Variants in OLFM3 observed in about 807,000 individuals in gnomAD.
The protein encoded by OLFM3 is noelin-3.
A neutral mutation model predicts 48.6 loss-of-function variants in OLFM3; 20 were observed. That is an observed-to-expected ratio of 0.41 (90% confidence interval 0.29 to 0.60). The LOEUF (loss-of-function observed/expected upper bound fraction) is 0.60, where lower values mean the gene tolerates loss of function less well. Among genes scored for constraint, OLFM3 ranks in the 20% least tolerant of loss-of-function variants. The probability of loss-of-function intolerance (pLI) is 0.28; values close to 1 mark genes in which losing one functional copy is unlikely to be tolerated. For missense variants in OLFM3, 437 were observed against 544.3 expected, an observed-to-expected ratio of 0.80 and a Z score of 1.96; for synonymous variants, 222 against 198.1, an observed-to-expected ratio of 1.12 and a Z score of -1.01.
chr1:101,932,016 A>G (rs908347696), intron 1 of OLFM3, among the ~76,000 whole-genome samples: 1 of 152,224 alleles, frequency 6.6e-6, no homozygotes, highest in Admixed American at 6.5e-5. Flanking sequence ...AAGTTGGAGA[A>G]TCTCATGGCA....
intron 1 of OLFM3, among the ~76,000 whole-genome samples, chr1:101,970,567 T>C (rs763320323): frequency 6.6e-6 from 1 of 152,224 alleles, no homozygotes; most frequent in African/African-American, 2.4e-5. Flanking sequence ...TGGTACCTAC[T>C]TCCTGTCAGG....
intron 4 of OLFM3, among the ~76,000 whole-genome samples, chr1:101,820,624 AGTAGAAATAAGCAAAATG>A (rs1375765618): frequency 1.3e-5 from 2 of 152,060 alleles, no homozygotes; most frequent in African/African-American, 4.8e-5. Flanking sequence ...TTAATTTTCT[AGTAGAAATAAGCAAAATG>A]GTGCCCATGG....
intron 1 of OLFM3, among the ~76,000 whole-genome samples, chr1:101,971,230 G>A (rs1270441625): frequency 6.6e-6 from 1 of 152,214 alleles, no homozygotes; most frequent in Non-Finnish European, 1.5e-5. Context: ...AGTAATGAAA[G>A]AATTGGAGTA....
At chr1:101,807,770 T>C (rs557380071) in intron 4 of OLFM3, among the ~76,000 whole-genome samples, 1 of 151,890 alleles carries the variant, frequency 6.6e-6, no homozygotes, top group Non-Finnish European at 1.5e-5. Context: ...ATAGTGTGGG[T>C]TACTTTATGA....
At chr1:101,830,163 C>T (rs1257756159) in intron 3 of OLFM3, among the ~76,000 whole-genome samples, 1 of 152,092 alleles carries the variant, frequency 6.6e-6, no homozygotes, top group Non-Finnish European at 1.5e-5. Context: ...ATTCATAACT[C>T]TTTCATATAT....
At chr1:101,909,516 C>G (rs1658676786) in intron 1 of OLFM3, among the ~76,000 whole-genome samples, 1 of 152,258 alleles carries the variant, frequency 6.6e-6, no homozygotes, top group Admixed American at 6.5e-5. Flanking sequence ...TAAAAACCGT[C>G]TATGAACAAA....
intron 1 of OLFM3, among the ~76,000 whole-genome samples, chr1:101,927,137 A>C (rs192816610): frequency 3.3e-5 from 5 of 152,266 alleles, no homozygotes; most frequent in Admixed American, 3.3e-4. Context: ...TTTTATAAAA[A>C]TAGAAGAGAC....
At chr1:101,819,248 A>G (rs1654485305) in intron 4 of OLFM3, among the ~76,000 whole-genome samples, 1 of 152,102 alleles carries the variant, frequency 6.6e-6, no homozygotes, top group Non-Finnish European at 1.5e-5. Flanking sequence ...GAAGATTAGA[A>G]TGGTTAAAGC....
intron 1 of OLFM3, among the ~76,000 whole-genome samples, chr1:101,896,461 T>C (rs1658204532): frequency 6.6e-6 from 1 of 151,756 alleles, no homozygotes; most frequent in East Asian, 1.9e-4. Flanking sequence ...AGGACGTTTT[T>C]ATTTTTCAAT....
At chr1:101,978,942 T>C (rs1372863528) in intron 1 of OLFM3, among the ~76,000 whole-genome samples, 4 of 152,222 alleles carry the variant, frequency 2.6e-5, no homozygotes, top group African/African-American at 9.6e-5. Context: ...CCCTGTCTCC[T>C]TAGGCATATG....
Position 101,804,753 on chromosome 1 carries a change from G to A in OLFM3, c.862C>T (p.Gln288Ter). ...YNGSLYFNKY[Q>*]SNIIIKYSFD... is the part of the protein sequence containing the mutation. ...CTGTATTTGATGATGATATTACTCT[G>A]ATACTTGTTAAAATAGAGTGAGCCA... Residue 288 changes from glutamine to a stop codon, truncating the protein, a stop_gained, in exon 6 of 6, where the codon CAG becomes TAG. Transcript: ENST00000370103. LOFTEE classifies it high-confidence loss of function. This position sits in a 1 kb window ranked among gnomAD's most constrained non-coding sequence, Gnocchi z 4.5. 6.2e-7 allele frequency: 1 copy of A among 1,612,688 alleles called. No homozygotes were observed. Among genetic ancestry groups the A allele is most frequent in the Non-Finnish European group, 8.5e-7 (1 of 1,179,154 alleles).
intron 1 of OLFM3, among the ~76,000 whole-genome samples, chr1:101,991,016 A>AAAATAT (rs1553186119): frequency 3.1e-4 from 10 of 32,212 alleles, no homozygotes; most frequent in Admixed American, 4.0e-4. Context: ...AAAAAAAAAA[A>AAAATAT]ATATATATAT....
At chr1:101,901,460 C>T (rs748424198) in intron 1 of OLFM3, among the ~76,000 whole-genome samples, 11 of 151,920 alleles carry the variant, frequency 7.2e-5, no homozygotes, top group South Asian at 4.1e-4. Flanking sequence ...AGAGCTGGAA[C>T]GGTGATATAG....
intron 1 of OLFM3, among the ~76,000 whole-genome samples, chr1:101,963,561 GTC>G (rs1660526193): frequency 6.6e-6 from 1 of 151,810 alleles, no homozygotes; most frequent in Non-Finnish European, 1.5e-5. Context: ...TAGGAGAAAT[GTC>G]TCCATCATTT....
intron 1 of OLFM3, among the ~76,000 whole-genome samples, chr1:101,943,143 T>G (rs1659845079): frequency 6.6e-6 from 1 of 152,214 alleles, no homozygotes; most frequent in African/African-American, 2.4e-5. Context: ...GAAAGTTATT[T>G]TATAAATTGT....
chr1:101,881,898 T>A (rs1657541684), intron 1 of OLFM3, among the ~76,000 whole-genome samples: 1 of 151,862 alleles, frequency 6.6e-6, no homozygotes, highest in Non-Finnish European at 1.5e-5. Context: ...AGTCTTCTTT[T>A]TCCTCTTCCA....
intron 4 of OLFM3, chr1:101,812,776 G>A (rs993260970): frequency 6.1e-6 from 6 of 988,646 alleles, no homozygotes; most frequent in Non-Finnish European, 6.0e-6. Context: ...TAAACATTGG[G>A]TGACCATGGT....
At chr1:101,829,622 T>C (rs1655046502) in intron 3 of OLFM3, among the ~76,000 whole-genome samples, 2 of 152,244 alleles carry the variant, frequency 1.3e-5, no homozygotes, top group South Asian at 4.1e-4. Context: ...GCCACCACTA[T>C]GTGTAGGAAG....
intron 4 of OLFM3, 32 bp downstream of exon 4, chr1:101,824,994 G>A (rs1163170893): frequency 1.8e-5 from 29 of 1,568,150 alleles, no homozygotes; most frequent in South Asian, 2.2e-5. Flanking sequence ...ATATAAAAAC[G>A]TAACTTAGAC....
Sources: allele counts gnomAD v4.1 joint callset (sites outside exome capture counted in the v4.1 genomes callset), GRCh38; gene constraint gnomAD v4.1.1; non-coding constraint Gnocchi (gnomAD v3.1); transcripts MANE v1.5; gene names NCBI Gene and HGNC (gene_info 2026-07-23, HGNC 2026-07-21).